WDR17: variants seen among roughly 807,000 people sequenced by gnomAD.
The protein encoded by WDR17 is WD repeat-containing protein 17.
WDR17 carries 143 observed loss-of-function variants against 161.7 expected under a neutral mutation model. The ratio of observed to expected loss-of-function variants is 0.88; its 90% CI spans 0.77 to 1.02. WDR17 has a LOEUF of 1.02. WDR17 is among the 50% of genes least tolerant of loss of function. The pLI is 0.00. For synonymous variants in WDR17, 517 were observed against 515.6 expected, an observed-to-expected ratio of 1.00 and a Z score of -0.04; for missense variants, 1,469 against 1,520.9, an observed-to-expected ratio of 0.97 and a Z score of 0.57.
intron 1 of WDR17, among the ~76,000 whole-genome samples, chr4:176,067,816 A>G (rs1187608437): frequency 6.6e-6 from 1 of 152,160 alleles, no homozygotes; most frequent in Non-Finnish European, 1.5e-5. Flanking sequence ...GCAGTTTTTT[A>G]ATTACTTGGA....
rs150428535 is a variant in WDR17, at chr4:176,159,439, T to C, written c.2526-555T>C. On this transcript the variant is annotated intron_variant, in intron 18 of 28. Coordinates refer to ENST00000508596, the MANE Select transcript of WDR17 (RefSeq NM_181265.4). ...CTAAGATTACCATCCCCTTTCTCCC[T>C]TCACATGTCTGGAACATTATTTTCC... Among the ~76,000 whole-genome samples, 15 of 152,270 alleles carry C rather than the reference T, an allele frequency of 9.9e-5. No homozygotes were observed. In the East Asian group the frequency reaches 2.9e-3, roughly 29 times the overall value.
At chr4:176,155,545 G>GTTTTTTTTTTTTTT (rs869207103) in intron 17 of WDR17, among the ~76,000 whole-genome samples, 1,365 of 104,912 alleles carry the variant, frequency 0.013, 66 homozygotes, top group Non-Finnish European at 0.017. Flanking sequence ...ATTTGTTTGT[G>GTTTTTTTTTTTTTT]TTTTTTTTTT....
At position 176,168,374 on chromosome 4, in the gene WDR17, CTTAGA is replaced by C. The variant is rs571482502; in HGVS notation, c.2991-292_2991-288del. ...ACTCCAAAGAACATATTCAAAACTACTTAGATTAGAGAATTGTTCTGTAATGATAA... is the reference window on the plus strand; with the variant it reads ...ACTCCAAAGAACATATTCAAAACTACTTAGAGAATTGTTCTGTAATGATAA... On this transcript the variant is annotated intron_variant, in intron 22 of 28. Transcript: ENST00000508596. Among the ~76,000 whole-genome samples, 22 of 152,150 alleles carry C rather than the reference CTTAGA, an allele frequency of 1.4e-4. No individual in the cohort carries two copies. The East Asian group carries it at 3.5e-3, about 24-fold the overall frequency.
chr4:176,172,530 T>C lies in WDR17; in HGVS notation c.3244+14T>C, dbSNP rs1750880693. On this transcript the variant is annotated intron_variant, in intron 24 of 28. Coordinates refer to ENST00000508596, the MANE Select transcript of WDR17 (RefSeq NM_181265.4). ...GCTTTGTTAAAGGTAAGTAATTAGT[T>C]GGTAGTAGAATTTTAAATATACTCA... The C allele has an allele frequency of 1.3e-6, 2 of 1,567,868 alleles. No homozygotes were observed. Among genetic ancestry groups the C allele is most frequent in the Admixed American group, 4.3e-5 (2 of 46,302 alleles).
At chr4:176,161,987 C>A in intron 20 of WDR17, 88 bp from the exon 21 acceptor site, 1 of 1,135,970 alleles carries the variant, frequency 8.8e-7, no homozygotes, top group Non-Finnish European at 1.2e-6. Flanking sequence ...TTTATTTGGT[C>A]TTTTTATCAT....
chr4:176,127,170 G>A (rs563075378), intron 5 of WDR17, among the ~76,000 whole-genome samples: 22 of 152,226 alleles, frequency 1.4e-4, no homozygotes, highest in African/African-American at 4.8e-4. Flanking sequence ...TTATCCGTGG[G>A]AGGTCCTGGA....
intron 1 of WDR17, among the ~76,000 whole-genome samples, chr4:176,088,646 G>A (rs1166794234): frequency 6.6e-6 from 1 of 152,196 alleles, no homozygotes; most frequent in Non-Finnish European, 1.5e-5. Flanking sequence ...AGGACGTAGA[G>A]GACCTGCTAT....
intron 18 of WDR17, among the ~76,000 whole-genome samples, chr4:176,159,272 CAT>C (rs1748640719): frequency 4.3e-5 from 5 of 116,018 alleles, no homozygotes; most frequent in East Asian, 2.9e-4. Flanking sequence ...TACACACACA[CAT>C]GCACACACAC....
In WDR17 at chr4:176,169,355, A is replaced by G. The variant is rs559689452; in HGVS notation, c.3102+572A>G. 3.3e-5 allele frequency among the ~76,000 whole-genome samples: 5 copies of G among 152,340 alleles called. No individual in the cohort carries two copies. In the South Asian group the frequency reaches 1.0e-3, roughly 32 times the overall value. ...ATAGGAAGATTATTTATATTAAATT[A>G]CAGTACTTTTCTATATTTCAGTGCT... On this transcript the variant is annotated intron_variant, in intron 23 of 28. Coordinates refer to ENST00000508596, the MANE Select transcript of WDR17 (RefSeq NM_181265.4).
intron 21 of WDR17, among the ~76,000 whole-genome samples, chr4:176,162,552 C>T (rs1252965940): frequency 1.3e-5 from 2 of 152,160 alleles, no homozygotes; most frequent in African/African-American, 4.8e-5. Context: ...CCCTCAGAAT[C>T]TCAAATGTCT....
At chr4:176,164,205 G>T (rs1378664381) in intron 22 of WDR17, among the ~76,000 whole-genome samples, 1 of 152,152 alleles carries the variant, frequency 6.6e-6, no homozygotes, top group Non-Finnish European at 1.5e-5. Context: ...TATGTGGTAG[G>T]TTTTAATTTT....
chr4:176,117,243 T>C (rs1740791526), intron 3 of WDR17, among the ~76,000 whole-genome samples: 1 of 152,016 alleles, frequency 6.6e-6, no homozygotes. Flanking sequence ...TATCTCCCCA[T>C]GTTTTCTGGT....
chr4:176,071,599 G>A (rs556273145), intron 1 of WDR17, among the ~76,000 whole-genome samples: 12 of 152,286 alleles, frequency 7.9e-5, no homozygotes, highest in Non-Finnish European at 1.5e-4. Context: ...ACAGGCGTGA[G>A]CCACCACACC....
chr4:176,154,937 T>G (rs2126828777), intron 17 of WDR17, among the ~76,000 whole-genome samples: 1 of 152,298 alleles, frequency 6.6e-6, no homozygotes, highest in South Asian at 2.1e-4. Flanking sequence ...CAGCCTTTAT[T>G]AAACAATGAG....
intron 1 of WDR17, among the ~76,000 whole-genome samples, 165 bp downstream of exon 1, chr4:176,066,244 A>G (rs1022271431): frequency 6.6e-6 from 1 of 152,198 alleles, no homozygotes; most frequent in Non-Finnish European, 1.5e-5. Flanking sequence ...GTGCCTGATG[A>G]GATAATCAAC....
chr4:176,090,311 C>CT (rs1470811463), intron 1 of WDR17, among the ~76,000 whole-genome samples: 1 of 151,498 alleles, frequency 6.6e-6, no homozygotes, highest in Non-Finnish European at 1.5e-5. Flanking sequence ...CTCCCTCTCT[C>CT]TTTCCACGTC....
At position 176,150,480 on chromosome 4, in the gene WDR17, A is replaced by T. The variant is rs1458942575; in HGVS notation, c.2191A>T (p.Ser731Cys). 1.1e-5 allele frequency: 17 copies of T among 1,607,934 alleles called. No homozygotes were observed. Among genetic ancestry groups the T allele is most frequent in the Middle Eastern group, 1.7e-4 (1 of 6,042 alleles). Residue 731 changes from serine (S) to cysteine (C), a missense_variant, in exon 16 of 29, where the codon AGT (serine) becomes TGT (cysteine). Transcript: ENST00000508596. Reference protein sequence around the residue: ...FSECLSPPGGSDNLWNLVAVI... With the variant: ...FSECLSPPGGCDNLWNLVAVI... ...GTCAACTCTTTAGCCTCCAGGTGGC[A>T]GTGACAATTTATGGAACTTGGTTGC...
intron 1 of WDR17, among the ~76,000 whole-genome samples, chr4:176,074,766 G>A (rs565633330): frequency 6.9e-6 from 1 of 144,588 alleles, no homozygotes; most frequent in African/African-American, 2.6e-5. Flanking sequence ...GTGATTCCCT[G>A]CTACAAGAAT....
At chr4:176,129,594 A>G (rs1319129880) in intron 6 of WDR17, among the ~76,000 whole-genome samples, 1 of 152,124 alleles carries the variant, frequency 6.6e-6, no homozygotes, top group African/African-American at 2.4e-5. Flanking sequence ...AGCATGGGGA[A>G]GGGATTTCAG....
Sources: gnomAD v4.1 joint callset for allele counts (sites outside exome capture counted in the v4.1 genomes callset) on GRCh38, gnomAD v4.1.1 for gene constraint, MANE v1.5 for transcripts, NCBI Gene and HGNC (gene_info 2026-07-23, HGNC 2026-07-21) for gene names.